Variants in RBMS3 observed in about 807,000 individuals in gnomAD.
The protein encoded by RBMS3 is RNA-binding motif, single-stranded-interacting protein 3.
A neutral mutation model predicts 66.8 loss-of-function variants in RBMS3; 27 were observed. The ratio of observed to expected loss-of-function variants is 0.40; its 90% CI spans 0.30 to 0.56. The LOEUF (loss-of-function observed/expected upper bound fraction) is 0.56, where lower values mean the gene tolerates loss of function less well. Ranked by LOEUF, RBMS3 falls within the 20% of genes least tolerant of loss-of-function variation. The probability of loss-of-function intolerance (pLI) is 0.40; values close to 1 mark genes in which losing one functional copy is unlikely to be tolerated. For synonymous variants in RBMS3, 188 were observed against 183.0 expected (o/e 1.03, Z -0.22); for missense variants, 513 against 549.5 (o/e 0.93, Z 0.66).
chr3:29,868,756 T>TA lies in RBMS3; in HGVS notation c.638-101dup, dbSNP rs957853671. ...AAATATCTCTTCAGAAGCAAGATGT[T>TA]ACTTCAAAAGATACTCATTACAAAG... On this transcript the variant is annotated intron_variant, in intron 6 of 14. Transcript: ENST00000383767. 4.0e-6 allele frequency: 4 copies of TA among 1,011,564 alleles called. No individual in the cohort carries two copies. The African/African-American group carries it at 6.6e-5, about 17-fold the overall frequency. The allele number at this position is 1,011,564 out of a possible 1,614,324, so 62.7% of individuals were successfully genotyped here.
Position 29,483,047 on chromosome 3 carries a change from T to C in RBMS3, c.249-5394T>C, listed in dbSNP as rs796084243. On this transcript the variant is annotated intron_variant, in intron 2 of 14. Coordinates refer to ENST00000383767, the MANE Select transcript of RBMS3 (RefSeq NM_001003793.3). ...AAGTATTATATGAAGGAAAATTTAT[T>C]TGAAGTTTTAAAAGTAGTTCTCCAT... Among the ~76,000 whole-genome samples the C allele has an allele frequency of 8.1e-4, 123 of 151,972 alleles. 1 individual carries two copies. Among genetic ancestry groups the C allele is most frequent in the African/African-American group, 2.8e-3 (117 of 41,452 alleles).
intron 4 of RBMS3, among the ~76,000 whole-genome samples, chr3:29,626,224 G>A (rs1239002529): frequency 6.6e-6 from 1 of 152,130 alleles, no homozygotes; most frequent in African/African-American, 2.4e-5. Context: ...CTTAAACTCT[G>A]CGTTTGGGAG....
In RBMS3 at chr3:29,606,411, T is replaced by C. The variant is rs192204189; in HGVS notation, c.399+19206T>C. Among the ~76,000 whole-genome samples, 442 of 152,038 alleles carry C rather than the reference T, an allele frequency of 2.9e-3. 1 individual carries two copies. Among genetic ancestry groups the C allele is most frequent in the African/African-American group, 0.01 (431 of 41,516 alleles). On this transcript the variant is annotated intron_variant, in intron 4 of 14. Coordinates refer to ENST00000383767, the MANE Select transcript of RBMS3 (RefSeq NM_001003793.3). The stretch of plus-strand genomic sequence containing the variant: ...AAACATTTCAAGTGTGTTTGACTTA[T>C]TTTGAACATCAACATAAAATTTACT...
intron 1 of RBMS3, among the ~76,000 whole-genome samples, chr3:29,420,935 T>A (rs909373787): frequency 4.5e-5 from 6 of 134,644 alleles, no homozygotes; most frequent in African/African-American, 1.8e-4. Flanking sequence ...AAACCCCGTC[T>A]CTACTAAAAA....
intron 7 of RBMS3, among the ~76,000 whole-genome samples, chr3:29,874,740 CT>C (rs3836347): frequency 4.6e-4 from 70 of 151,730 alleles, no homozygotes; most frequent in Middle Eastern, 3.4e-3. Context: ...TAAAATAAAC[CT>C]TTTTTTTGGC....
At chr3:29,542,826 A>G (rs369419570) in intron 3 of RBMS3, among the ~76,000 whole-genome samples, 173 of 152,346 alleles carry the variant, frequency 1.1e-3, no homozygotes, top group African/African-American at 4.1e-3. Context: ...TTTATGTCAA[A>G]GACTAGCCTC....
intron 1 of RBMS3, among the ~76,000 whole-genome samples, chr3:29,414,623 C>A (rs2040403808): frequency 6.6e-6 from 1 of 152,090 alleles, no homozygotes; most frequent in African/African-American, 2.4e-5. Flanking sequence ...TTAAAATATT[C>A]CACTCTGAGC....
intron 1 of RBMS3, among the ~76,000 whole-genome samples, chr3:29,393,576 C>T (rs966438267): frequency 2.6e-5 from 4 of 152,166 alleles, no homozygotes; most frequent in African/African-American, 9.7e-5. Context: ...AGGACAAAAA[C>T]TCTACTGATT....
chr3:29,360,055 G>T (rs2037475144), intron 1 of RBMS3, among the ~76,000 whole-genome samples: 1 of 151,960 alleles, frequency 6.6e-6, no homozygotes, highest in African/African-American at 2.4e-5. Flanking sequence ...CTTCAGTTCT[G>T]CTCTGATCTT....
chr3:29,700,011 T>C (rs1213738317), intron 4 of RBMS3, among the ~76,000 whole-genome samples: 2 of 152,012 alleles, frequency 1.3e-5, no homozygotes, highest in Non-Finnish European at 2.9e-5. Flanking sequence ...ATATTTAAAT[T>C]AGATGCATTG....
At chr3:29,337,535 G>C (rs1171012987) in intron 1 of RBMS3, among the ~76,000 whole-genome samples, 1 of 151,932 alleles carries the variant, frequency 6.6e-6, no homozygotes, top group Non-Finnish European at 1.5e-5. Flanking sequence ...AGCTACTTGG[G>C]TGGCTGAGGC....
intron 1 of RBMS3, among the ~76,000 whole-genome samples, chr3:29,384,217 G>C (rs2125629644): frequency 6.6e-6 from 1 of 152,202 alleles, no homozygotes; most frequent in Non-Finnish European, 1.5e-5. Context: ...TAGGGAGGCT[G>C]AGGTGGGAAG....
chr3:29,615,715 C>T (rs1037857780), intron 4 of RBMS3, among the ~76,000 whole-genome samples: 2 of 152,070 alleles, frequency 1.3e-5, no homozygotes, highest in South Asian at 2.1e-4. Flanking sequence ...ACTTTAGCAA[C>T]GAATATAGAG....
chr3:29,906,836 T>C (rs891386044), intron 10 of RBMS3, among the ~76,000 whole-genome samples: 3 of 152,136 alleles, frequency 2.0e-5, no homozygotes, highest in African/African-American at 7.2e-5. Flanking sequence ...CAAACATGCA[T>C]GCATACAATA....
intron 4 of RBMS3, among the ~76,000 whole-genome samples, chr3:29,656,478 A>G (rs754695366): frequency 2.0e-5 from 3 of 152,230 alleles, no homozygotes; most frequent in African/African-American, 4.8e-5. Flanking sequence ...GGTGTGTCTA[A>G]GTACACTCTG....
chr3:29,326,503 C>T (rs2035343403), intron 1 of RBMS3, among the ~76,000 whole-genome samples: 1 of 152,146 alleles, frequency 6.6e-6, no homozygotes, highest in East Asian at 1.9e-4. Flanking sequence ...TTTATGTTTC[C>T]ATGGTCCTAT....
chr3:29,712,823 C>A (rs982458756), intron 4 of RBMS3, among the ~76,000 whole-genome samples: 2 of 152,172 alleles, frequency 1.3e-5, no homozygotes, highest in Admixed American at 6.5e-5. Context: ...TGACACCAGG[C>A]ACCCACTAGG....
intron 1 of RBMS3, among the ~76,000 whole-genome samples, chr3:29,324,876 T>A (rs2035228034): frequency 6.6e-6 from 1 of 152,150 alleles, no homozygotes; most frequent in Non-Finnish European, 1.5e-5. Flanking sequence ...TTATTCCCTT[T>A]GTTTTCCTTT....
intron 3 of RBMS3, among the ~76,000 whole-genome samples, chr3:29,543,975 A>G (rs1474975628): frequency 6.6e-6 from 1 of 152,256 alleles, no homozygotes; most frequent in Admixed American, 6.5e-5. Context: ...ACTGTTCATC[A>G]TCCTATTGAT....
Sources: gnomAD v4.1 joint callset for allele counts (sites outside exome capture counted in the v4.1 genomes callset) on GRCh38, gnomAD v4.1.1 for gene constraint, MANE v1.5 for transcripts, NCBI Gene and HGNC (gene_info 2026-07-23, HGNC 2026-07-21) for gene names.